The following XCR1 variants were observed in gnomAD, a reference collection of about 807,000 sequenced individuals.
The protein encoded by XCR1 is X-C motif chemokine receptor 1.
For synonymous variants in XCR1, 187 were observed against 188.5 expected (o/e 0.99, Z 0.06); for missense variants, 356 against 424.2 (o/e 0.84, Z 1.41).
rs1708123885 is a variant in XCR1, at chr3:46,020,815, C to T, written c.*131G>A. 1 of 1,275,762 alleles carries T rather than the reference C, an allele frequency of 7.8e-7. No individual in the cohort carries two copies. Among genetic ancestry groups the T allele is most frequent in the Non-Finnish European group, 1.0e-6 (1 of 952,646 alleles). 79.0% of individuals were successfully genotyped at this position (1,275,762 alleles called of 1,614,324 possible). A position where few individuals can be genotyped will look rare whatever the true frequency, so the allele number is the denominator to read the frequency against. ...CCACTGGTGTAATGAATGACCTTCA[C>T]TGCACGCCTGCAGCGGAGGAGACGT... is the stretch of plus-strand genomic sequence containing the variant. On this transcript the variant is annotated 3_prime_UTR_variant, in exon 2 of 2. Coordinates refer to ENST00000309285, the MANE Select transcript of XCR1 (RefSeq NM_001024644.2).
At chr3:46,062,831 C>G (rs1053480545) in intron 4 of XCR1, among the ~76,000 whole-genome samples, 1 of 152,240 alleles carries the variant, frequency 6.6e-6, no homozygotes, top group Non-Finnish European at 1.5e-5. Flanking sequence ...TAGCCTATCT[C>G]TGGGCTGGGG....
exon 5 of XCR1, among the ~76,000 whole-genome samples, chr3:46,054,016 C>G (rs1697802107): frequency 6.6e-6 from 1 of 152,134 alleles, no homozygotes; most frequent in Admixed American, 6.6e-5. Context: ...TCATTCACGT[C>G]CTCAAAGTCC....
At chr3:46,075,994 T>C (rs1698253388) in intron 2 of XCR1, among the ~76,000 whole-genome samples, 1 of 152,002 alleles carries the variant, frequency 6.6e-6, no homozygotes, top group Non-Finnish European at 1.5e-5. Context: ...CTGAAAAGAG[T>C]ATAGCAGCCT....
chr3:46,039,821 T>C (rs1023204703), intron 5 of XCR1, among the ~76,000 whole-genome samples: 4 of 152,148 alleles, frequency 2.6e-5, no homozygotes, highest in African/African-American at 9.7e-5. Context: ...AGTTTTTCTA[T>C]AAATTAAACA....
chr3:46,082,111 G>A (rs940906100), intron 1 of XCR1, among the ~76,000 whole-genome samples: 5 of 152,160 alleles, frequency 3.3e-5, no homozygotes, highest in African/African-American at 9.7e-5. Flanking sequence ...AACCCTACCT[G>A]AGGGGACGTC....
At chr3:46,073,197 T>C (rs1006031348) in intron 3 of XCR1, among the ~76,000 whole-genome samples, 1 of 152,088 alleles carries the variant, frequency 6.6e-6, no homozygotes, top group Non-Finnish European at 1.5e-5. Flanking sequence ...AAACGAGACA[T>C]TGGTATAGGC....
chr3:46,051,132 C>T (rs749792213), intron 5 of XCR1, among the ~76,000 whole-genome samples: 5 of 152,150 alleles, frequency 3.3e-5, no homozygotes, highest in Non-Finnish European at 5.9e-5. Context: ...GAAATTCTGA[C>T]GCTCTAGCTG....
Position 46,021,657 on chromosome 3 carries a change from C to T in XCR1, c.291G>A (p.Leu97=), listed in dbSNP as rs1445495435. The T allele has an allele frequency of 1.9e-6, 3 of 1,613,760 alleles. No homozygotes were observed. Among genetic ancestry groups the T allele is most frequent in the East Asian group, 2.2e-5 (1 of 44,846 alleles). ...WISPYHWGWV[L]GDFLCKLLNM... is the part of the protein sequence containing the mutation. ...TGAGGAGTTTGCAGAGGAAGTCTCC[C>T]AGCACCCAGCCCCAGTGGTATGGGG... is the stretch of plus-strand genomic sequence containing the variant. Residue 97 remains leucine (L), a synonymous_variant, in exon 2 of 2, where the codon CTG becomes CTA. Transcript: ENST00000309285. This position sits in a 1 kb window ranked among gnomAD's most constrained non-coding sequence, Gnocchi z 4.7.
At chr3:46,056,872 C>A (rs1697862767) in intron 4 of XCR1, among the ~76,000 whole-genome samples, 2 of 152,008 alleles carry the variant, frequency 1.3e-5, no homozygotes, top group Admixed American at 6.5e-5. Flanking sequence ...CTAGAGAAAG[C>A]CAAAAACAAT....
At chr3:46,083,466 G>A (rs1487169344) in intron 1 of XCR1, among the ~76,000 whole-genome samples, 1 of 152,224 alleles carries the variant, frequency 6.6e-6, no homozygotes, top group African/African-American at 2.4e-5. Flanking sequence ...AGGCATGACT[G>A]CAGATCTACC....
chr3:46,079,390 A>G (rs1343280852), intron 1 of XCR1, among the ~76,000 whole-genome samples: 1 of 152,230 alleles, frequency 6.6e-6, no homozygotes, highest in Non-Finnish European at 1.5e-5. Context: ...AATGGCACCT[A>G]GAGTTTTTTT....
At chr3:46,040,159 G>C (rs1697514467) in intron 5 of XCR1, among the ~76,000 whole-genome samples, 1 of 152,088 alleles carries the variant, frequency 6.6e-6, no homozygotes, top group South Asian at 2.1e-4. Context: ...AGGGAGACAG[G>C]TTTATTGACC....
chr3:46,076,002 C>G (rs1444627244), intron 2 of XCR1, among the ~76,000 whole-genome samples: 1 of 152,056 alleles, frequency 6.6e-6, no homozygotes, highest in South Asian at 2.1e-4. Context: ...AGTATAGCAG[C>G]CTCTTAAAAA....
intron 2 of XCR1, among the ~76,000 whole-genome samples, chr3:46,076,159 C>T (rs1249262206): frequency 6.6e-6 from 1 of 152,170 alleles, no homozygotes; most frequent in East Asian, 1.9e-4. Flanking sequence ...AGATTAAGAA[C>T]CACTGCCCAG....
intron 3 of XCR1, among the ~76,000 whole-genome samples, chr3:46,067,837 G>A (rs867269490): frequency 5.9e-5 from 9 of 152,094 alleles, no homozygotes; most frequent in Non-Finnish European, 8.8e-5. Flanking sequence ...GCCAGCAAAC[G>A]AGAAACTCAG....
chr3:46,039,841 T>C (rs35028116), intron 5 of XCR1, among the ~76,000 whole-genome samples: 33,744 of 152,090 alleles, frequency 0.22, 5,148 homozygotes, highest in African/African-American at 0.42. Flanking sequence ...AATATCAAAA[T>C]CACACTTACG....
upstream of XCR1, among the ~76,000 whole-genome samples, chr3:46,028,616 G>A (rs1281199620): frequency 6.7e-6 from 1 of 149,388 alleles, no homozygotes; most frequent in East Asian, 1.9e-4. Flanking sequence ...TTTTGAGGCA[G>A]GCCCTCACTC....
At chr3:46,080,369 G>T (rs1211395489) in intron 1 of XCR1, among the ~76,000 whole-genome samples, 1 of 152,230 alleles carries the variant, frequency 6.6e-6, no homozygotes, top group Middle Eastern at 3.4e-3. Context: ...TCAGACAATA[G>T]ATACCTTGAA....
chr3:46,044,285 C>A (rs1269773914), intron 5 of XCR1, among the ~76,000 whole-genome samples: 1 of 152,106 alleles, frequency 6.6e-6, no homozygotes, highest in Non-Finnish European at 1.5e-5. Flanking sequence ...CCATGCCTGG[C>A]CCTCATTGTG....
Sources: gnomAD v4.1 joint callset for allele counts (sites outside exome capture counted in the v4.1 genomes callset) on GRCh38, gnomAD v4.1.1 for gene constraint, Gnocchi (gnomAD v3.1) non-coding constraint, MANE v1.5 for transcripts, NCBI Gene and HGNC (gene_info 2026-07-23, HGNC 2026-07-21) for gene names.